The following PLG variants were observed in gnomAD, a reference collection of about 807,000 sequenced individuals.
The protein encoded by PLG is plasmin.
PLG carries 41 observed loss-of-function variants against 104.4 expected under a neutral mutation model. The observed-to-expected ratio is 0.39, with a 90% CI of 0.31 to 0.51. The LOEUF (loss-of-function observed/expected upper bound fraction) is 0.51. Ranked by LOEUF, PLG falls within the 20% of genes least tolerant of loss-of-function variation. The pLI is 0.76. For missense variants in PLG, 891 were observed against 1,003.6 expected (o/e 0.89, Z 1.52); for synonymous variants, 337 against 357.1 (o/e 0.94, Z 0.63).
chr6:160,702,878 C>T lies in PLG; in HGVS notation c.49+525C>T, dbSNP rs371931003. On this transcript the variant is annotated intron_variant, in intron 1 of 18. Transcript: ENST00000308192. Reference sequence around the variant, plus strand: ...TCAGTATACGTTTGCCTCTTATCCCCGGAAAAATCACACGCATCCATTTGC... The same window carrying T: ...TCAGTATACGTTTGCCTCTTATCCCTGGAAAAATCACACGCATCCATTTGC... Among the ~76,000 whole-genome samples, 10 of 152,294 alleles carry T rather than the reference C, an allele frequency of 6.6e-5. 1 individual carries two copies. Among genetic ancestry groups the T allele is most frequent in the African/African-American group, 2.2e-4 (9 of 41,548 alleles).
At chr6:160,728,761 T>C (rs1459638200) in intron 10 of PLG, among the ~76,000 whole-genome samples, 2 of 152,158 alleles carry the variant, frequency 1.3e-5, no homozygotes, top group Non-Finnish European at 2.9e-5. Flanking sequence ...CAAAAGCTCC[T>C]AGATCTAAAT....
In PLG at chr6:160,741,767, C is replaced by A. The variant is rs1271752322; in HGVS notation, c.2125+350C>A. 6.6e-6 allele frequency among the ~76,000 whole-genome samples: 1 copy of A among 152,102 alleles called. No homozygotes were observed. Among genetic ancestry groups the A allele is most frequent in the Non-Finnish European group, 1.5e-5 (1 of 68,022 alleles). ...GATTATTTTGTCACCTAGGTACTAA[C>A]CCTAGTACCCAATTCTTAGTATTTC... On this transcript the variant is annotated intron_variant, in intron 17 of 18. Coordinates refer to ENST00000308192, the MANE Select transcript of PLG (RefSeq NM_000301.5). The surrounding 1 kb of genome is among the most constrained non-coding windows in gnomAD (Gnocchi z 4.7).
At chr6:160,750,320 C>T (rs1025311221) in intron 17 of PLG, among the ~76,000 whole-genome samples, 1 of 152,188 alleles carries the variant, frequency 6.6e-6, no homozygotes, top group Non-Finnish European at 1.5e-5. Context: ...CCTCAGGTCA[C>T]CTGTGGCCTT....
intron 10 of PLG, among the ~76,000 whole-genome samples, chr6:160,730,178 C>T (rs1777977917): frequency 6.6e-6 from 1 of 152,242 alleles, no homozygotes; most frequent in African/African-American, 2.4e-5. Context: ...GGGTCCTCGC[C>T]TGCTTTGACT....
chr6:160,723,029 G>T lies in PLG; in HGVS notation c.1256+462G>T, dbSNP rs183887363. Among the ~76,000 whole-genome samples the T allele has an allele frequency of 1.3e-3, 189 of 147,214 alleles. 1 individual carries two copies. The highest frequency in any genetic ancestry group is 4.7e-3 in the African/African-American group (176 of 37,722). Reference sequence around the variant, plus strand: ...TGAATATATATACACACATATATATGTATACATATGTGTGCATATATAAAT... The same window carrying T: ...TGAATATATATACACACATATATATTTATACATATGTGTGCATATATAAAT... On this transcript the variant is annotated intron_variant, in intron 10 of 18. Transcript: ENST00000308192. This position sits in a 1 kb window ranked among gnomAD's most constrained non-coding sequence, Gnocchi z 4.7.
In PLG at chr6:160,711,093, C is replaced by T. The variant is rs758640124; in HGVS notation, c.309C>T (p.Cys103=). The change falls in exon 4 of 19, where the codon TGC becomes TGT. Residue 103 remains cysteine (C), a synonymous_variant. Coordinates refer to ENST00000308192, the MANE Select transcript of PLG (RefSeq NM_000301.5). The part of the protein sequence containing the change: ...LFEKKVYLSE[C]KTGNGKNYRG... ...TCCCTTCAGTGTATCTCTCAGAGTG[C>T]AAGACTGGGAATGGAAAGAACTACA... is the stretch of plus-strand genomic sequence containing the variant. The T allele has an allele frequency of 8.1e-6, 13 of 1,612,526 alleles. No individual in the cohort carries two copies. The South Asian group carries it at 1.2e-4, about 15-fold the overall frequency.
chr6:160,748,021 C>T (rs1294879553), intron 17 of PLG, among the ~76,000 whole-genome samples: 2 of 152,026 alleles, frequency 1.3e-5, no homozygotes, highest in African/African-American at 4.8e-5. Flanking sequence ...GTCATAAACT[C>T]TCTGGCTGGG....
At chr6:160,705,680 G>A (rs1777508544) in intron 1 of PLG, 1 of 152,190 alleles carries the variant, frequency 6.6e-6, no homozygotes, top group African/African-American at 2.4e-5. Flanking sequence ...TCTCAAGGAG[G>A]GACCATTCAG....
chr6:160,733,224 T>C (rs186126414), intron 12 of PLG, among the ~76,000 whole-genome samples: 27 of 152,350 alleles, frequency 1.8e-4, no homozygotes, highest in African/African-American at 5.8e-4. Flanking sequence ...TGCCTTTCTG[T>C]GTCTTGCCCC....
In PLG at chr6:160,753,363, G is replaced by A. The variant is rs1778441282; in HGVS notation, c.*302G>A. On this transcript the variant is annotated 3_prime_UTR_variant, in exon 19 of 19. Coordinates refer to ENST00000308192, the MANE Select transcript of PLG (RefSeq NM_000301.5). The surrounding 1 kb of genome is among the most constrained non-coding windows in gnomAD (Gnocchi z 5.4). ...CCCACCAATTTTTAAATGGGCAGAT[G>A]GGGGGATTTAGCTGCTTTTGATAAG... 1 of 427,208 alleles carries A rather than the reference G, an allele frequency of 2.3e-6. No individual in the cohort carries two copies. The highest frequency in any genetic ancestry group is 5.2e-5 in the East Asian group (1 of 19,328). The allele number at this position is 427,208 out of a possible 1,614,324, so 26.5% of individuals were successfully genotyped here.
intron 12 of PLG, 147 bp from the exon 13 acceptor site, chr6:160,733,844 CAGAA>C (rs1397101932): frequency 1.2e-4 from 46 of 373,162 alleles, no homozygotes; most frequent in Admixed American, 2.9e-4. Flanking sequence ...AACTCCACCT[CAGAA>C]AAAAAAAAAA....
chr6:160,733,793 G>A (rs1194682531), intron 12 of PLG, among the ~76,000 whole-genome samples: 1 of 139,488 alleles, frequency 7.2e-6, no homozygotes, highest in Non-Finnish European at 1.5e-5. Context: ...GCAGTGAGCT[G>A]AGATCATGCC....
In PLG at chr6:160,752,327, T is replaced by G. The variant is rs1427520860; in HGVS notation, c.2271+67T>G. ...TTGTCTCAGTCTCAGCCCCTCAGAC[T>G]TCATTCCCCAGGTGGCAAATTCAAG... On this transcript the variant is annotated intron_variant, in intron 18 of 18. Transcript: ENST00000308192. This position sits in a 1 kb window ranked among gnomAD's most constrained non-coding sequence, Gnocchi z 4.7. 1.4e-6 allele frequency: 2 copies of G among 1,454,966 alleles called. No individual in the cohort carries two copies. Among genetic ancestry groups the G allele is most frequent in the Non-Finnish European group, 1.9e-6 (2 of 1,036,716 alleles). 90.1% of individuals were successfully genotyped at this position (1,454,966 alleles called of 1,614,324 possible).
rs1778068347 is a variant in PLG at position 160,735,250 on chromosome 6, T to C, written c.1681+1162T>C. On this transcript the variant is annotated intron_variant, in intron 13 of 18. Coordinates refer to ENST00000308192, the MANE Select transcript of PLG (RefSeq NM_000301.5). The surrounding 1 kb of genome is among the most constrained non-coding windows in gnomAD (Gnocchi z 5.4). ...TCTGGCCCCATCTGGTACACACCAC[T>C]GCCTCTCACTGCCCGGGCTCTCTAT... 6.6e-6 allele frequency among the ~76,000 whole-genome samples: 1 copy of C among 152,166 alleles called. No individual in the cohort carries two copies. The highest frequency in any genetic ancestry group is 6.5e-5 in the Admixed American group (1 of 15,270).
In PLG at chr6:160,716,690, T is replaced by C. The variant is rs766497393; in HGVS notation, c.714T>C (p.Asp238=). The C allele has an allele frequency of 4.3e-6, 7 of 1,613,512 alleles. No individual in the cohort carries two copies. The highest frequency in any genetic ancestry group is 1.6e-4 in the Middle Eastern group (1 of 6,084). The part of the protein sequence containing the change: ...NLKKNYCRNP[D]RELRPWCFTT... ...AGAAGAATTACTGTCGTAACCCCGA[T>C]AGGGAGCTGCGGCCTTGGTGTTTCA... Residue 238 remains aspartate (D), a synonymous_variant, in exon 7 of 19, where the codon GAT becomes GAC. Transcript: ENST00000308192.
Position 160,733,516 on chromosome 6 carries a change from A to G in PLG, c.1588-479A>G, listed in dbSNP as rs368743925. Among the ~76,000 whole-genome samples the G allele has an allele frequency of 3.3e-5, 5 of 149,428 alleles. No individual in the cohort carries two copies. The East Asian group carries it at 5.8e-4, about 17-fold the overall frequency. ...ACGGCTTTAGAGCATTCAAAAAATA[A>G]CTTTGCCAAAATAATAATAATAATA... On this transcript the variant is annotated intron_variant, in intron 12 of 18. Coordinates refer to ENST00000308192, the MANE Select transcript of PLG (RefSeq NM_000301.5).
In PLG at chr6:160,731,028, C is replaced by T; in HGVS notation, c.1257-23C>T. 5.0e-6 allele frequency: 8 copies of T among 1,611,836 alleles called. No homozygotes were observed. Among genetic ancestry groups the T allele is most frequent in the Non-Finnish European group, 6.8e-6 (8 of 1,178,022 alleles). On this transcript the variant is annotated intron_variant, in intron 10 of 18. Transcript: ENST00000308192. This position sits in a 1 kb window ranked among gnomAD's most constrained non-coding sequence, Gnocchi z 5.1. ...TGAATATTCTCCCACCTCTTGTGAC[C>T]TGTATTGTTTTGGAATTTCCAGTGG...
intron 17 of PLG, among the ~76,000 whole-genome samples, chr6:160,748,073 G>A (rs758379052): frequency 4.5e-4 from 68 of 151,990 alleles, no homozygotes; most frequent in Non-Finnish European, 6.5e-4. Context: ...TTGGGAGGCC[G>A]AGGCAGGCAG....
intron 12 of PLG, 68 bp from the exon 13 acceptor site, chr6:160,733,927 A>T: frequency 1.3e-6 from 1 of 765,826 alleles, no homozygotes; most frequent in Non-Finnish European, 2.4e-6. Context: ...GAAATGCGTG[A>T]GCCTTGGAAC....
Sources: gnomAD v4.1 joint callset for allele counts (sites outside exome capture counted in the v4.1 genomes callset) on GRCh38, gnomAD v4.1.1 for gene constraint, Gnocchi (gnomAD v3.1) non-coding constraint, MANE v1.5 for transcripts, NCBI Gene and HGNC (gene_info 2026-07-23, HGNC 2026-07-21) for gene names.